The following MID1 variants were observed in gnomAD, a reference collection of about 807,000 sequenced individuals.
The protein encoded by MID1 is midline 1.
In MID1, 7 loss-of-function variants were observed where a neutral mutation model predicts 40.4. The ratio of observed to expected loss-of-function variants is 0.17; its 90% CI spans 0.10 to 0.33. The LOEUF is 0.33. Among genes scored for constraint, MID1 ranks in the 10% least tolerant of loss-of-function variants. The pLI is 1.00. For missense variants in MID1, 367 were observed against 558.5 expected (o/e 0.66, Z 3.46); for synonymous variants, 229 against 221.2 (o/e 1.04, Z -0.31).
chrX:10,502,481 C>T (rs1248720974), intron 3 of MID1, among the ~76,000 whole-genome samples: 1 of 111,728 alleles, frequency 9.0e-6, no homozygotes, highest in Non-Finnish European at 1.9e-5. Context: ...GGTTGCTGCA[C>T]TGCACAAATC....
rs2043697402 is a variant in MID1 at position 10,763,481 on chromosome X, C to A, written c.-187+70073G>T. Among the ~76,000 whole-genome samples the A allele has an allele frequency of 3.6e-5, 4 of 111,154 alleles. No individual in the cohort carries two copies. In the South Asian group the frequency reaches 1.5e-3, roughly 43 times the overall value. Reference sequence around the variant, plus strand: ...GTCTCCAGCTTCATCCATGTCCCTACAAAGGACATGAACTCATCCTTTCTT... The same window carrying A: ...GTCTCCAGCTTCATCCATGTCCCTAAAAAGGACATGAACTCATCCTTTCTT... On this transcript the variant is annotated intron_variant, in intron 1 of 10. Transcript: ENST00000380785.
intron 2 of MID1, among the ~76,000 whole-genome samples, chrX:10,548,402 T>C (rs764062811): frequency 2.5e-4 from 28 of 112,094 alleles, no homozygotes; most frequent in African/African-American, 8.4e-4. Context: ...GAAAAACAAA[T>C]TGATTTTGTT....
intron 1 of MID1, among the ~76,000 whole-genome samples, chrX:10,583,455 G>A (rs7888259): frequency 0.062 from 6,865 of 111,614 alleles, 292 homozygotes; most frequent in African/African-American, 0.15. Context: ...TTTGGTCAGA[G>A]GGTTGTGATC....
At chrX:10,808,699 G>A (rs1010929412) in intron 1 of MID1, among the ~76,000 whole-genome samples, 6 of 111,455 alleles carry the variant, frequency 5.4e-5, no homozygotes, top group Admixed American at 3.8e-4. Context: ...TTTAATAAAC[G>A]GTGCTGGGAA....
At chrX:10,550,203 C>A (rs1933853061) in intron 2 of MID1, among the ~76,000 whole-genome samples, 1 of 112,350 alleles carries the variant, frequency 8.9e-6, no homozygotes, top group Non-Finnish European at 1.9e-5. Context: ...CTGTTCTCTG[C>A]AGACTCCCCA....
At chrX:10,522,651 C>T (rs759519230) in intron 3 of MID1, among the ~76,000 whole-genome samples, 16 of 111,669 alleles carry the variant, frequency 1.4e-4, no homozygotes, top group Admixed American at 1.0e-3. Context: ...TGCATGCCAC[C>T]ACGCCCAGCT....
At position 10,705,585 on chromosome X, in the gene MID1, T is replaced by C. The variant is rs191369401; in HGVS notation, c.-186-85166A>G. 2.7e-5 allele frequency among the ~76,000 whole-genome samples: 3 copies of C among 112,280 alleles called. No individual in the cohort carries two copies. The East Asian group carries it at 8.4e-4, about 31-fold the overall frequency. On this transcript the variant is annotated intron_variant, in intron 1 of 10. Coordinates refer to the MID1 transcript ENST00000380785. Reference sequence around the variant, plus strand: ...TTGGTTCCTTTCTTCTTAGTAATAATAAAAGAATATTTATTGAGGCCGTCA... The same window carrying C: ...TTGGTTCCTTTCTTCTTAGTAATAACAAAAGAATATTTATTGAGGCCGTCA...
At chrX:10,752,573 A>G (rs2043607170) in intron 1 of MID1, among the ~76,000 whole-genome samples, 1 of 111,211 alleles carries the variant, frequency 9.0e-6, no homozygotes, top group South Asian at 3.8e-4. Context: ...CAAATAGCCT[A>G]TTTGCCTAGA....
chrX:10,633,147 CCTCT>C (rs1444229151), intron 1 of MID1, among the ~76,000 whole-genome samples: 1 of 111,851 alleles, frequency 8.9e-6, no homozygotes, highest in South Asian at 3.8e-4. Context: ...CTCTGCCCTC[CCTCT>C]ATCTGCCTAA....
intron 6 of MID1, among the ~76,000 whole-genome samples, chrX:10,473,631 G>C (rs187815337): frequency 2.7e-5 from 3 of 112,380 alleles, no homozygotes; most frequent in African/African-American, 9.7e-5. Flanking sequence ...TGTACACACA[G>C]AATTGGAATT....
At chrX:10,527,961 G>A (rs1295825570) in intron 2 of MID1, among the ~76,000 whole-genome samples, 1 of 111,752 alleles carries the variant, frequency 8.9e-6, no homozygotes, top group Admixed American at 9.5e-5. Flanking sequence ...ACTCATCTAC[G>A]ATCATCTCCA....
rs183891793 is a variant in MID1 at position 10,770,978 on chromosome X, C to T, written c.-187+62576G>A. Among the ~76,000 whole-genome samples, 767 of 108,614 alleles carry T rather than the reference C, an allele frequency of 7.1e-3. 4 individuals are homozygous for T. The highest frequency in any genetic ancestry group is 0.012 in the Non-Finnish European group (602 of 52,346). 94.3% of individuals were successfully genotyped at this position (108,614 alleles called of 115,157 possible). ...AAAATTAGCCGGGCGTGGTGGCGGG[C>T]GCCTGTAATCCCAGCTACTCGGGAG... On this transcript the variant is annotated intron_variant, in intron 1 of 10. Coordinates refer to the MID1 transcript ENST00000380785.
At chrX:10,571,907 G>A (rs773008646) in intron 1 of MID1, among the ~76,000 whole-genome samples, 1 of 109,438 alleles carries the variant, frequency 9.1e-6, no homozygotes, top group Non-Finnish European at 1.9e-5. Context: ...AATGAACAAG[G>A]TGTAATGCAA....
At chrX:10,676,479 C>T (rs2043023967) in intron 1 of MID1, among the ~76,000 whole-genome samples, 1 of 111,523 alleles carries the variant, frequency 9.0e-6, no homozygotes, top group Non-Finnish European at 1.9e-5. Context: ...TAAAATGAGC[C>T]TTACCAGTTT....
At chrX:10,712,346 G>A (rs2043274468) in intron 1 of MID1, among the ~76,000 whole-genome samples, 1 of 111,463 alleles carries the variant, frequency 9.0e-6, no homozygotes, top group Non-Finnish European at 1.9e-5. Context: ...GTTCAAGCAT[G>A]TACAATAAGA....
intron 1 of MID1, among the ~76,000 whole-genome samples, chrX:10,705,813 G>C (rs2043227261): frequency 1.8e-5 from 2 of 112,225 alleles, no homozygotes; most frequent in South Asian, 7.4e-4. Flanking sequence ...GCTAAGTATA[G>C]CCCCACTGGC....
At chrX:10,689,570 T>A (rs1287013548) in intron 1 of MID1, among the ~76,000 whole-genome samples, 1 of 111,710 alleles carries the variant, frequency 9.0e-6, no homozygotes, top group Non-Finnish European at 1.9e-5. Flanking sequence ...TATCTATACC[T>A]ACACCAAAAC....
At chrX:10,765,808 C>G (rs962401347) in intron 1 of MID1, among the ~76,000 whole-genome samples, 2 of 107,285 alleles carry the variant, frequency 1.9e-5, no homozygotes, top group African/African-American at 6.8e-5. Context: ...TAATAAAAAG[C>G]TAAAAGCTGA....
At chrX:10,659,327 C>G (rs372334133) in intron 1 of MID1, among the ~76,000 whole-genome samples, 1 of 111,445 alleles carries the variant, frequency 9.0e-6, no homozygotes, top group African/African-American at 3.3e-5. Flanking sequence ...TCATCTATCA[C>G]TATAGGCAGC....
Sources: gnomAD v4.1 joint callset for allele counts (sites outside exome capture counted in the v4.1 genomes callset) on GRCh38, gnomAD v4.1.1 for gene constraint, MANE v1.5 for transcripts, NCBI Gene and HGNC (gene_info 2026-07-23, HGNC 2026-07-21) for gene names.